HIVEP2: variants seen among roughly 807,000 people sequenced by gnomAD.
The protein encoded by HIVEP2 is transcription factor HIVEP2.
Under a neutral mutation model 180.7 loss-of-function variants are expected in HIVEP2, and 14 were observed. That is an observed-to-expected ratio of 0.08 (90% CI 0.05 to 0.12). The LOEUF (loss-of-function observed/expected upper bound fraction) is 0.12. Among genes scored for constraint, HIVEP2 ranks in the 10% least tolerant of loss-of-function variants. The pLI, the probability that HIVEP2 is intolerant of heterozygous loss-of-function variation, is 1.00. For missense variants in HIVEP2, 2,579 were observed against 3,008.5 expected (o/e 0.86, Z 3.34); for synonymous variants, 1,184 against 1,136.4 (o/e 1.04, Z -0.84).
intron 9 of HIVEP2, among the ~76,000 whole-genome samples, chr6:142,756,617 CA>C (rs1179502211): frequency 6.6e-6 from 1 of 151,984 alleles, no homozygotes; most frequent in Non-Finnish European, 1.5e-5. Context: ...GGCCTGGACA[CA>C]CCTTTGTTTC....
intron 5 of HIVEP2, among the ~76,000 whole-genome samples, chr6:142,769,134 C>T (rs987754988): frequency 6.6e-6 from 1 of 152,202 alleles, no homozygotes; most frequent in African/African-American, 2.4e-5. Context: ...AAGCTCGGTC[C>T]TCCTTCTTCG....
intron 9 of HIVEP2, among the ~76,000 whole-genome samples, chr6:142,759,183 G>A (rs1009583333): frequency 6.6e-6 from 1 of 151,994 alleles, no homozygotes; most frequent in East Asian, 1.9e-4. Context: ...CACGCCTGTA[G>A]TCCCAGCTTC....
At chr6:142,850,314 A>C (rs1251962243) in intron 1 of HIVEP2, among the ~76,000 whole-genome samples, 1 of 152,188 alleles carries the variant, frequency 6.6e-6, no homozygotes, top group African/African-American at 2.4e-5. Context: ...TTATGACTTG[A>C]TTGTGTTAAT....
intron 6 of HIVEP2, among the ~76,000 whole-genome samples, chr6:142,765,224 T>C (rs1314787810): frequency 6.6e-6 from 1 of 152,216 alleles, no homozygotes. Flanking sequence ...CACTATTACA[T>C]GTGAATTTAT....
intron 1 of HIVEP2, among the ~76,000 whole-genome samples, chr6:142,904,917 G>A (rs532629716): frequency 6.6e-6 from 1 of 152,154 alleles, no homozygotes; most frequent in East Asian, 1.9e-4. Context: ...CTATTGACCT[G>A]GGATAACACA....
Position 142,753,584 on chromosome 6 carries a change from G to C in HIVEP2, c.6864C>G (p.His2288Gln), listed in dbSNP as rs374372846. ...TAGGTGGACCAGATGACTGCAAAGC[G>C]TGAGGACCTCGCTTCTCATGCTGCT... Reference protein sequence around the residue: ...LSKQHEKRGPHALQSSGPPST... With the variant: ...LSKQHEKRGPQALQSSGPPST... Residue 2288 changes from histidine to glutamine, a missense_variant, in exon 10 of 10, where the codon CAC (histidine) becomes CAG (glutamine). By Grantham distance (24) the His-to-Gln change is conservative. Coordinates refer to ENST00000367603, the MANE Select transcript of HIVEP2 (RefSeq NM_006734.4). The C allele has an allele frequency of 5.6e-6, 9 of 1,613,938 alleles. No individual in the cohort carries two copies. The highest frequency in any genetic ancestry group is 4.0e-5 in the African/African-American group (3 of 74,902).
chr6:142,761,222 G>T (rs1202271817), intron 8 of HIVEP2, among the ~76,000 whole-genome samples: 1 of 152,116 alleles, frequency 6.6e-6, no homozygotes, highest in African/African-American at 2.4e-5. Flanking sequence ...TTCATAGAAG[G>T]CTCTAAATAT....
chr6:142,818,319 C>T (rs560079291), intron 2 of HIVEP2, among the ~76,000 whole-genome samples: 118 of 152,124 alleles, frequency 7.8e-4, no homozygotes, highest in Admixed American at 3.6e-3. Flanking sequence ...TTACCTCTTA[C>T]GAAATATTTA....
chr6:142,783,947 T>A (rs957031972), intron 2 of HIVEP2, among the ~76,000 whole-genome samples: 16 of 152,240 alleles, frequency 1.1e-4, no homozygotes, highest in African/African-American at 3.6e-4. Flanking sequence ...ACAGAACTTC[T>A]TTGGGTGTAT....
At chr6:142,927,901 AAT>A (rs1238409447) in intron 1 of HIVEP2, among the ~76,000 whole-genome samples, 1 of 152,244 alleles carries the variant, frequency 6.6e-6, no homozygotes, top group Non-Finnish European at 1.5e-5. Context: ...AAAAAATTGA[AAT>A]AGTTTAATTT....
At chr6:142,800,597 G>C (rs2114757023) in intron 2 of HIVEP2, among the ~76,000 whole-genome samples, 1 of 152,284 alleles carries the variant, frequency 6.6e-6, no homozygotes, top group Non-Finnish European at 1.5e-5. Context: ...TTTATTGAGA[G>C]AGATTAAAAT....
At chr6:142,900,473 GA>G (rs2128425090) in intron 1 of HIVEP2, among the ~76,000 whole-genome samples, 1 of 152,278 alleles carries the variant, frequency 6.6e-6, no homozygotes, top group Non-Finnish European at 1.5e-5. Flanking sequence ...TCCTTGCACA[GA>G]GAAGAAAGCT....
At chr6:142,854,472 T>C (rs12197240) in intron 1 of HIVEP2, among the ~76,000 whole-genome samples, 30,089 of 152,200 alleles carry the variant, frequency 0.2, 3,852 homozygotes, top group Non-Finnish European at 0.29. Context: ...TTTAGACTAA[T>C]TGTATTACTC....
intron 2 of HIVEP2, among the ~76,000 whole-genome samples, chr6:142,819,643 G>A (rs1776975176): frequency 6.6e-6 from 1 of 152,120 alleles, no homozygotes. Context: ...CATTTAGAAA[G>A]CTAATTTCCT....
intron 1 of HIVEP2, among the ~76,000 whole-genome samples, chr6:142,848,028 T>C: frequency 6.6e-6 from 1 of 152,232 alleles, no homozygotes; most frequent in East Asian, 1.9e-4. Context: ...TCTTCACTGC[T>C]AAGACTTCTT....
intron 2 of HIVEP2, among the ~76,000 whole-genome samples, chr6:142,802,887 A>G (rs995637240): frequency 6.6e-6 from 1 of 152,190 alleles, no homozygotes; most frequent in Admixed American, 6.5e-5. Context: ...TTCTGTAGCT[A>G]AGCTAGACTT....
chr6:142,819,592 A>T (rs966818655), intron 2 of HIVEP2, among the ~76,000 whole-genome samples: 1 of 152,214 alleles, frequency 6.6e-6, no homozygotes, highest in Non-Finnish European at 1.5e-5. Context: ...ACCCTTTCCC[A>T]TGTTTCTAAT....
At chr6:142,828,103 C>T (rs1030883233) in intron 2 of HIVEP2, among the ~76,000 whole-genome samples, 3 of 152,112 alleles carry the variant, frequency 2.0e-5, no homozygotes, top group Admixed American at 6.5e-5. Flanking sequence ...GATGACTTTG[C>T]GGCATGATAC....
intron 3 of HIVEP2, 71 bp downstream of exon 3, chr6:142,783,450 T>C (rs912516502): frequency 2.6e-5 from 4 of 151,482 alleles, no homozygotes; most frequent in Non-Finnish European, 5.9e-5. Flanking sequence ...TATGAGTCCA[T>C]AGTAGGCCAA....
Sources: allele counts gnomAD v4.1 joint callset (sites outside exome capture counted in the v4.1 genomes callset), GRCh38; gene constraint gnomAD v4.1.1; transcripts MANE v1.5; gene names NCBI Gene and HGNC (gene_info 2026-07-23, HGNC 2026-07-21).